Variants in SAP130 observed in about 807,000 individuals in gnomAD.
SAP130 encodes histone deacetylase complex subunit SAP130.
SAP130 carries 16 observed loss-of-function variants against 103.2 expected under a neutral mutation model. That is an observed-to-expected ratio of 0.16 (90% CI 0.10 to 0.24). The LOEUF (loss-of-function observed/expected upper bound fraction) is 0.24. Among genes scored for constraint, SAP130 ranks in the 10% least tolerant of loss-of-function variants. The pLI is 1.00. For synonymous variants in SAP130, 477 were observed against 497.0 expected, an observed-to-expected ratio of 0.96 and a Z score of 0.53; for missense variants, 990 against 1,359.7, an observed-to-expected ratio of 0.73 and a Z score of 4.28.
chr2:127,982,170 C>CA lies in SAP130; in HGVS notation c.1959-4082dup, dbSNP rs561436701. Among the ~76,000 whole-genome samples the CA allele has an allele frequency of 2.8e-3, 388 of 140,204 alleles. 1 individual carries two copies. The highest frequency in any genetic ancestry group is 0.011 in the Middle Eastern group (3 of 274). 92.0% of individuals were successfully genotyped at this position (140,204 alleles called of 152,430 possible). On this transcript the variant is annotated intron_variant, in intron 14 of 20. Coordinates refer to ENST00000643581, the MANE Select transcript of SAP130 (RefSeq NM_001330301.2). ...GACAATTTCTTTTTACAAAGAAGAG[C>CA]AAAAAAAAAAAATTTAGGGTGGTAG...
At position 127,955,388 on chromosome 2, in the gene SAP130, C is replaced by G. The variant is rs865867114; in HGVS notation, c.2064-44G>C. On this transcript the variant is annotated intron_variant, in intron 15 of 20. Coordinates refer to ENST00000643581, the MANE Select transcript of SAP130 (RefSeq NM_001330301.2). The surrounding 1 kb of genome is among the most constrained non-coding windows in gnomAD (Gnocchi z 4.9). Reference sequence around the variant, plus strand: ...GCACATGTAGCAAATAAGAAAAAAACTGCCTTCATCTACAACATCTCAGAG... The same window carrying G: ...GCACATGTAGCAAATAAGAAAAAAAGTGCCTTCATCTACAACATCTCAGAG... 1 of 1,308,308 alleles carries G rather than the reference C, an allele frequency of 7.6e-7. No homozygotes were observed. 81.0% of individuals were successfully genotyped at this position (1,308,308 alleles called of 1,614,324 possible). A position where few individuals can be genotyped will look rare whatever the true frequency, so the allele number is the denominator to read the frequency against.
intron 14 of SAP130, among the ~76,000 whole-genome samples, chr2:127,984,050 C>A (rs1452710755): frequency 6.6e-6 from 1 of 151,842 alleles, no homozygotes; most frequent in Non-Finnish European, 1.5e-5. Flanking sequence ...GATTTCCTGA[C>A]CTGGTTCTTT....
At chr2:127,974,443 AAT>A (rs1364524960) in intron 15 of SAP130, among the ~76,000 whole-genome samples, 1 of 148,448 alleles carries the variant, frequency 6.7e-6, no homozygotes, top group Non-Finnish European at 1.5e-5. Flanking sequence ...CACACATGTA[AAT>A]ATCAGATATA....
intron 19 of SAP130, among the ~76,000 whole-genome samples, chr2:127,944,350 A>T (rs1264363758): frequency 2.6e-5 from 4 of 151,758 alleles, no homozygotes; most frequent in Admixed American, 1.3e-4. Flanking sequence ...ATGTTCTATT[A>T]AAAAAAAATT....
At chr2:128,005,900 G>A (rs1020065573) in intron 7 of SAP130, among the ~76,000 whole-genome samples, 1 of 152,092 alleles carries the variant, frequency 6.6e-6, no homozygotes, top group African/African-American at 2.4e-5. Context: ...AGAGTGCTGG[G>A]ATTAGAGGCA....
intron 3 of SAP130, among the ~76,000 whole-genome samples, chr2:128,016,819 A>G (rs1039245062): frequency 2.0e-5 from 3 of 152,222 alleles, no homozygotes; most frequent in Non-Finnish European, 4.4e-5. Flanking sequence ...CCAGAGCTGT[A>G]TGGCTCACAG....
intron 15 of SAP130, among the ~76,000 whole-genome samples, chr2:127,963,533 G>A (rs531375277): frequency 6.6e-6 from 1 of 152,238 alleles, no homozygotes; most frequent in South Asian, 2.1e-4. Context: ...AACCAGCCCT[G>A]AGTCAAATTT....
Position 128,028,026 on chromosome 2 carries a change from G to C in SAP130, c.-93C>G, listed in dbSNP as rs993410627. On this transcript the variant is annotated 5_prime_UTR_variant, in exon 1 of 21. Coordinates refer to ENST00000643581, the MANE Select transcript of SAP130 (RefSeq NM_001330301.2). ...TGTGGGGCCGACGTCCCCAGGCTCC[G>C]GACCCGCAGCCACCGCCGGGGAGCT... The C allele has an allele frequency of 4.1e-6, 4 of 977,320 alleles. No individual in the cohort carries two copies. The highest frequency in any genetic ancestry group is 4.9e-6 in the Non-Finnish European group (4 of 822,322). The allele number at this position is 977,320 out of a possible 1,614,324, so 60.5% of individuals were successfully genotyped here. A position where few individuals can be genotyped will look rare whatever the true frequency, so the allele number is the denominator to read the frequency against.
In SAP130 at chr2:127,941,941, ACC is replaced by A; in HGVS notation, c.*63_*64del. ...ATGTTCCACTTTGGAAAAAACCAAAACCCTCCCCCCACCCCCACCATCATTCT... is the reference window on the plus strand; with the variant it reads ...ATGTTCCACTTTGGAAAAAACCAAAACTCCCCCCACCCCCACCATCATTCT... On this transcript the variant is annotated 3_prime_UTR_variant, in exon 21 of 21. Transcript: ENST00000643581. The A allele has an allele frequency of 3.6e-6, 1 of 276,732 alleles. No individual in the cohort carries two copies. The highest frequency in any genetic ancestry group is 6.9e-6 in the Non-Finnish European group (1 of 145,392). 17.1% of individuals were successfully genotyped at this position (276,732 alleles called of 1,614,324 possible).
chr2:128,019,276 A>AT (rs1055426537), intron 2 of SAP130, among the ~76,000 whole-genome samples: 5 of 138,622 alleles, frequency 3.6e-5, no homozygotes, highest in Admixed American at 1.4e-4. Context: ...ATTAAAAAAA[A>AT]TTTTTTTTTT....
At chr2:127,978,646 A>G (rs1681644645) in intron 14 of SAP130, among the ~76,000 whole-genome samples, 1 of 152,096 alleles carries the variant, frequency 6.6e-6, no homozygotes, top group African/African-American at 2.4e-5. Flanking sequence ...GGGAACAAAT[A>G]CCAGTTGAGA....
chr2:128,012,948 C>A, intron 6 of SAP130, 82 bp downstream of exon 6: 1 of 1,339,080 alleles, frequency 7.5e-7, no homozygotes, highest in Non-Finnish European at 9.9e-7. Context: ...ATGGAAAGTC[C>A]CTGAGGTCAA....
chr2:127,955,318 A>G lies in SAP130; in HGVS notation c.2090T>C (p.Val697Ala). Reference protein sequence around the residue: ...AGAKPKSEIHVSMATPVTVSM... With the variant: ...AGAKPKSEIHASMATPVTVSM... Reference sequence around the variant, plus strand: ...CACAGTGACCGGAGTGGCCATAGACACGTGGATTTCAGACTTGGGTTTGGC... The same window carrying G: ...CACAGTGACCGGAGTGGCCATAGACGCGTGGATTTCAGACTTGGGTTTGGC... The change falls in exon 16 of 21, where the codon GTG (valine) becomes GCG (alanine). Residue 697 changes from valine to alanine, a missense_variant. By Grantham distance (64) the Val-to-Ala change is moderately conservative. Transcript: ENST00000643581. This position sits in a 1 kb window ranked among gnomAD's most constrained non-coding sequence, Gnocchi z 4.9. The G allele has an allele frequency of 6.3e-7, 1 of 1,577,202 alleles. No homozygotes were observed.
intron 9 of SAP130, 63 bp from the exon 10 acceptor site, chr2:127,999,908 CA>C: frequency 6.9e-7 from 1 of 1,449,688 alleles, no homozygotes; most frequent in Non-Finnish European, 9.4e-7. Flanking sequence ...TACAGATTCT[CA>C]AAAACCTGGG....
intron 13 of SAP130, among the ~76,000 whole-genome samples, chr2:127,987,609 T>C (rs1168637125): frequency 6.6e-6 from 1 of 152,128 alleles, no homozygotes; most frequent in Admixed American, 6.6e-5. Context: ...TTTACTGATA[T>C]AATTCTTACC....
intron 14 of SAP130, 141 bp from the exon 15 acceptor site, chr2:127,978,230 A>G: frequency 3.2e-6 from 2 of 622,670 alleles, no homozygotes; most frequent in East Asian, 2.8e-5. Flanking sequence ...ATGGATTTTC[A>G]TTTTCTCGGA....
chr2:128,002,396 G>A (rs1020529863), intron 7 of SAP130, among the ~76,000 whole-genome samples: 3 of 152,052 alleles, frequency 2.0e-5, no homozygotes, highest in African/African-American at 7.2e-5. Flanking sequence ...GGGTGCGGTG[G>A]TACGTGCCTG....
At chr2:127,973,510 G>A (rs934492333) in intron 15 of SAP130, among the ~76,000 whole-genome samples, 1 of 152,246 alleles carries the variant, frequency 6.6e-6, no homozygotes, top group Non-Finnish European at 1.5e-5. Flanking sequence ...GGAGTGCTGG[G>A]ATTCCAGGCG....
Position 128,002,893 on chromosome 2 carries a change from A to G in SAP130, c.870-2439T>C, listed in dbSNP as rs563254851. On this transcript the variant is annotated intron_variant, in intron 7 of 20. Coordinates refer to ENST00000643581, the MANE Select transcript of SAP130 (RefSeq NM_001330301.2). ...AATCCCAGCAGCACTTTGGGAGGCCAAGGCAGGCAGATTGCTTGAGTCCAG... is the reference window on the plus strand; with the variant it reads ...AATCCCAGCAGCACTTTGGGAGGCCGAGGCAGGCAGATTGCTTGAGTCCAG... Among the ~76,000 whole-genome samples, 7 of 152,220 alleles carry G rather than the reference A, an allele frequency of 4.6e-5. No individual in the cohort carries two copies. In the South Asian group the frequency reaches 1.2e-3, roughly 27 times the overall value.
Sources: allele counts gnomAD v4.1 joint callset (sites outside exome capture counted in the v4.1 genomes callset), GRCh38; gene constraint gnomAD v4.1.1; non-coding constraint Gnocchi (gnomAD v3.1); transcripts MANE v1.5; gene names NCBI Gene and HGNC (gene_info 2026-07-23, HGNC 2026-07-21).